The following PSD3 variants were observed in gnomAD, a reference collection of about 807,000 sequenced individuals.
The protein encoded by PSD3 is pleckstrin and Sec7 domain containing 3, also known as PH and SEC7 domain-containing protein 3.
A neutral mutation model predicts 105.5 loss-of-function variants in PSD3; 49 were observed. The ratio of observed to expected loss-of-function variants is 0.46; its 90% confidence interval spans 0.37 to 0.59. PSD3 has a LOEUF of 0.59. Among genes scored for constraint, PSD3 ranks in the 20% least tolerant of loss-of-function variants. The pLI is 0.00. For synonymous variants in PSD3, 557 were observed against 457.8 expected, an observed-to-expected ratio of 1.22 and a Z score of -2.77; for missense variants, 1,561 against 1,263.8, an observed-to-expected ratio of 1.24 and a Z score of -3.57.
Position 18,632,703 on chromosome 8 carries a change from A to G in PSD3, c.2320T>C (p.Phe774Leu). The change falls in exon 11 of 16, where the codon TTT becomes CTT. Residue 774 changes from phenylalanine (F) to leucine (L), a missense_variant. Coordinates refer to ENST00000327040, the MANE Select transcript of PSD3 (RefSeq NM_015310.4). ...TTTGGATCATGAGGAATGTCCAAAA[A>G]TGGGTTAGTAGTACTTCCAATACGA... ...ISRIGSTTNP[F>L]LDIPHDPNAA... 6.2e-7 allele frequency: 1 copy of G among 1,612,352 alleles called. No homozygotes were observed. The highest frequency in any genetic ancestry group is 8.5e-7 in the Non-Finnish European group (1 of 1,178,730).
chr8:19,037,304 A>G (rs555873984), intron 1 of PSD3, among the ~76,000 whole-genome samples: 1 of 152,356 alleles, frequency 6.6e-6, no homozygotes, highest in South Asian at 2.1e-4. Context: ...TGGCTGCTGG[A>G]GATGCTGTCC....
chr8:18,833,957 G>GA (rs1220849105), intron 4 of PSD3, among the ~76,000 whole-genome samples: 3 of 151,862 alleles, frequency 2.0e-5, no homozygotes, highest in Non-Finnish European at 4.4e-5. Context: ...AAACATAACT[G>GA]AAAAAAATTC....
intron 2 of PSD3, among the ~76,000 whole-genome samples, chr8:18,893,907 C>T (rs1237504972): frequency 6.6e-6 from 1 of 152,190 alleles, no homozygotes; most frequent in Non-Finnish European, 1.5e-5. Context: ...TAGGTGAAGG[C>T]CCAGGGATTA....
chr8:18,716,347 TA>T (rs765654118), intron 9 of PSD3, among the ~76,000 whole-genome samples: 30 of 152,288 alleles, frequency 2.0e-4, no homozygotes, highest in African/African-American at 6.3e-4. Context: ...ATATAGTTTT[TA>T]CCTTTCCGGG....
At chr8:18,630,374 C>T (rs1806808764) in intron 11 of PSD3, among the ~76,000 whole-genome samples, 1 of 151,854 alleles carries the variant, frequency 6.6e-6, no homozygotes, top group Admixed American at 6.6e-5. Flanking sequence ...ATGTATTAGG[C>T]CGCTGAGGGA....
At chr8:18,870,233 C>G (rs565633644) in intron 3 of PSD3, among the ~76,000 whole-genome samples, 1 of 152,262 alleles carries the variant, frequency 6.6e-6, no homozygotes, top group African/African-American at 2.4e-5. Context: ...CACAGATGCT[C>G]TCCCGTATAA....
intron 9 of PSD3, among the ~76,000 whole-genome samples, chr8:18,719,669 C>G (rs1217241518): frequency 6.6e-6 from 1 of 152,166 alleles, no homozygotes; most frequent in Non-Finnish European, 1.5e-5. Context: ...CCCACTATTT[C>G]CCGAGATAGT....
chr8:18,834,664 G>C (rs1265451960), intron 4 of PSD3, among the ~76,000 whole-genome samples: 1 of 152,138 alleles, frequency 6.6e-6, no homozygotes, highest in East Asian at 1.9e-4. Flanking sequence ...ATAAAGTAGG[G>C]GCTGAACTAA....
intron 1 of PSD3, among the ~76,000 whole-genome samples, chr8:19,074,612 T>TATATATATATATATATATATA (rs1491425890): frequency 7.3e-4 from 8 of 10,988 alleles, no homozygotes; most frequent in African/African-American, 2.1e-3. Flanking sequence ...TATATATATA[T>TATATATATATATATATATATA]TTTTTTTTTT....
intron 1 of PSD3, among the ~76,000 whole-genome samples, chr8:18,961,925 G>A (rs903219214): frequency 5.8e-4 from 88 of 152,084 alleles, no homozygotes; most frequent in African/African-American, 2.0e-3. Flanking sequence ...GCTTTCCTGC[G>A]AAAACCATGT....
intron 2 of PSD3, among the ~76,000 whole-genome samples, chr8:18,903,134 C>T (rs1819617767): frequency 6.6e-6 from 1 of 152,128 alleles, no homozygotes. Context: ...GCAGCTCAGG[C>T]TCAGGGGGCC....
chr8:18,944,353 G>C (rs11998548), intron 1 of PSD3, among the ~76,000 whole-genome samples: 1 of 152,040 alleles, frequency 6.6e-6, no homozygotes, highest in African/African-American at 2.4e-5. Flanking sequence ...GCAGATGACC[G>C]GAGGTCAGGA....
chr8:18,932,449 C>A (rs1343152973), intron 2 of PSD3, among the ~76,000 whole-genome samples: 1 of 152,204 alleles, frequency 6.6e-6, no homozygotes, highest in Admixed American at 6.5e-5. Context: ...ATTCTCCACG[C>A]AACTGAATAA....
In PSD3 at chr8:18,725,106, CT is replaced by C. The variant is rs1164472243; in HGVS notation, c.2172+40342del. Among the ~76,000 whole-genome samples, 5 of 152,184 alleles carry C rather than the reference CT, an allele frequency of 3.3e-5. No homozygotes were observed. The East Asian group carries it at 9.6e-4, about 29-fold the overall frequency. ...AAGTTTTCAGTGCAGCAAACAGGTT[CT>C]ACGTATTGGCTCCCCATCATATTTC... is the stretch of plus-strand genomic sequence containing the variant. On this transcript the variant is annotated intron_variant, in intron 9 of 15. Coordinates refer to ENST00000327040, the MANE Select transcript of PSD3 (RefSeq NM_015310.4).
chr8:18,952,492 A>G (rs554634272), intron 1 of PSD3, among the ~76,000 whole-genome samples: 173 of 152,332 alleles, frequency 1.1e-3, no homozygotes, highest in Admixed American at 2.0e-3. Flanking sequence ...AATCTGGTTC[A>G]ACGCGGTTAA....
At chr8:18,623,557 C>G (rs1806277020) in intron 11 of PSD3, among the ~76,000 whole-genome samples, 1 of 150,106 alleles carries the variant, frequency 6.7e-6, no homozygotes. Context: ...GGAAGACTAC[C>G]TGAGCCCAGA....
chr8:18,962,145 C>CTGAG (rs1429894617), intron 1 of PSD3, among the ~76,000 whole-genome samples: 1 of 151,814 alleles, frequency 6.6e-6, no homozygotes, highest in East Asian at 1.9e-4. Flanking sequence ...ACTTGGGAGG[C>CTGAG]TGAGGCAGGA....
chr8:18,766,322 C>T (rs1806996893), intron 8 of PSD3, among the ~76,000 whole-genome samples: 1 of 152,086 alleles, frequency 6.6e-6, no homozygotes, highest in South Asian at 2.1e-4. Context: ...TGACAGAGTG[C>T]AACTGTATCT....
At chr8:18,687,367 G>A (rs1387755413) in intron 9 of PSD3, among the ~76,000 whole-genome samples, 1 of 152,116 alleles carries the variant, frequency 6.6e-6, no homozygotes, top group South Asian at 2.1e-4. Flanking sequence ...TTGAGAGGCT[G>A]GGGTGGGAGG....
Sources: gnomAD v4.1 joint callset for allele counts (sites outside exome capture counted in the v4.1 genomes callset) on GRCh38, gnomAD v4.1.1 for gene constraint, MANE v1.5 for transcripts, NCBI Gene and HGNC (gene_info 2026-07-23, HGNC 2026-07-21) for gene names.